TG: variants seen among roughly 807,000 people sequenced by gnomAD.
TG encodes thyroid hormones.
TG carries 270 observed loss-of-function variants against 324.7 expected under a neutral mutation model. The ratio of observed to expected loss-of-function variants is 0.83; its 90% CI spans 0.75 to 0.92. The LOEUF (loss-of-function observed/expected upper bound fraction) is 0.92, where lower values mean the gene tolerates loss of function less well. TG is among the 40% of genes least tolerant of loss of function. The pLI, the probability that TG is intolerant of heterozygous loss-of-function variation, is 0.00. For synonymous variants in TG, 1,401 were observed against 1,327.0 expected (o/e 1.06, Z -1.21); for missense variants, 3,591 against 3,456.4 (o/e 1.04, Z -0.98).
rs1018632204 is a variant in TG at position 133,116,673 on chromosome 8, A to C, written c.7819A>C (p.Asn2607His). ...TGCCTGGGCAAAGAGGGCCCGAGGA[A>C]ACGTCTTCATGTACCATGCTCCTGA... ...ASAWAKRARG[N>H]VFMYHAPENY... Residue 2607 changes from asparagine (N) to histidine (H), a missense_variant, in exon 45 of 48, where the codon AAC (asparagine) becomes CAC (histidine). Physicochemically the swap from Asn to His is moderately conservative, Grantham distance 68 (BLOSUM62 1). Transcript: ENST00000220616. 1.2e-6 allele frequency: 2 copies of C among 1,614,244 alleles called. No individual in the cohort carries two copies. The highest frequency in any genetic ancestry group is 1.7e-5 in the Admixed American group (1 of 60,024).
At chr8:133,020,357 C>T (rs1005355631) in intron 39 of TG, among the ~76,000 whole-genome samples, 5 of 152,206 alleles carry the variant, frequency 3.3e-5, no homozygotes, top group African/African-American at 4.8e-5. Flanking sequence ...ACAGGAGGGG[C>T]CAGCCTCCTG....
At position 132,878,765 on chromosome 8, in the gene TG, C is replaced by T. The variant is rs561198507; in HGVS notation, c.639-3098C>T. 5.8e-4 allele frequency among the ~76,000 whole-genome samples: 88 copies of T among 152,288 alleles called. No homozygotes were observed. In the South Asian group the frequency reaches 0.012, roughly 21 times the overall value. On this transcript the variant is annotated intron_variant, in intron 5 of 47. Transcript: ENST00000220616. ...TGCTGCCCACACCTTGGTTCTGTCT[C>T]CCACCTTGAAGTTGGAGGCATGCAA...
Position 132,935,808 on chromosome 8 carries a change from G to A in TG, c.4985G>A (p.Cys1662Tyr). 1 of 1,612,920 alleles carries A rather than the reference G, an allele frequency of 6.2e-7. No individual in the cohort carries two copies. The highest frequency in any genetic ancestry group is 2.2e-5 in the East Asian group (1 of 44,862). Reference protein sequence around the residue: ...SKATSFGSLRCQVKVRSHGQD... With the variant: ...SKATSFGSLRYQVKVRSHGQD... ...GCCACCAGCTTTGGAAGTCTTCGCT[G>A]CCAGGTGAAAGTGAGGAGCCATGGT... The change falls in exon 25 of 48, where the codon TGC (cysteine) becomes TAC (tyrosine). Residue 1662 changes from cysteine (C) to tyrosine (Y), a missense_variant. Coordinates refer to ENST00000220616, the MANE Select transcript of TG (RefSeq NM_003235.5).
intron 34 of TG, 33 bp downstream of exon 34, chr8:132,972,774 G>T (rs1403488): frequency 3.7e-6 from 6 of 1,613,194 alleles, no homozygotes; most frequent in Non-Finnish European, 5.1e-6. Flanking sequence ...CTATATGGAC[G>T]TCTTTAGTTA....
At chr8:133,122,974 G>T (rs1275193257) in intron 45 of TG, among the ~76,000 whole-genome samples, 3 of 152,064 alleles carry the variant, frequency 2.0e-5, no homozygotes, top group African/African-American at 7.2e-5. Context: ...TGACATTTGA[G>T]ACCGGATAAC....
chr8:133,053,733 C>T (rs1840854236), intron 41 of TG, among the ~76,000 whole-genome samples: 1 of 152,114 alleles, frequency 6.6e-6, no homozygotes, highest in Admixed American at 6.5e-5. Flanking sequence ...AAAGCAAAAT[C>T]CCATTATAAA....
chr8:132,998,239 C>T (rs1183415773), intron 35 of TG, among the ~76,000 whole-genome samples: 2 of 152,158 alleles, frequency 1.3e-5, no homozygotes, highest in Non-Finnish European at 2.9e-5. Flanking sequence ...TGACAGATGG[C>T]CCCTTTTTGC....
intron 10 of TG, among the ~76,000 whole-genome samples, chr8:132,893,370 G>T (rs536445701): frequency 7.1e-6 from 1 of 140,784 alleles, no homozygotes; most frequent in East Asian, 2.3e-4. Flanking sequence ...TGTCTGTGGT[G>T]TATATGTGTG....
At chr8:132,961,128 C>T in intron 28 of TG, 55 bp downstream of exon 28, 1 of 1,544,858 alleles carries the variant, frequency 6.5e-7, no homozygotes, top group Non-Finnish European at 9.0e-7. Context: ...ATGAGATTGT[C>T]TGGCACCACC....
At position 133,133,767 on chromosome 8, in the gene TG, C is replaced by A. The variant is rs114254895; in HGVS notation, c.8188+107C>A. 1.7e-3 allele frequency: 2,230 copies of A among 1,286,596 alleles called. 41 individuals carry two copies. The African/African-American group carries it at 0.029, about 17-fold the overall frequency. 79.7% of individuals were successfully genotyped at this position (1,286,596 alleles called of 1,614,324 possible). A position where few individuals can be genotyped will look rare whatever the true frequency, so the allele number is the denominator to read the frequency against. On this transcript the variant is annotated intron_variant, in intron 47 of 47. Transcript: ENST00000220616. ...CGCGCGCATTGGAGCCAAGGGGTCA[C>A]CAGTGCCAATGGCACAGCCCCTTCC...
At chr8:132,873,311 T>G in intron 5 of TG, 90 bp downstream of exon 5, 1 of 1,485,424 alleles carries the variant, frequency 6.7e-7, no homozygotes, top group Non-Finnish European at 9.2e-7. Context: ...GTGTCATATG[T>G]GCAGCATGAT....
chr8:133,043,673 T>C (rs1289661315), intron 41 of TG, among the ~76,000 whole-genome samples: 2 of 152,134 alleles, frequency 1.3e-5, no homozygotes, highest in Non-Finnish European at 2.9e-5. Context: ...GACCTGCCTC[T>C]CCTGAGCAGC....
intron 41 of TG, among the ~76,000 whole-genome samples, chr8:133,041,784 GTTTTTTTTTTT>G (rs529937626): frequency 2.4e-5 from 3 of 124,422 alleles, no homozygotes; most frequent in Non-Finnish European, 5.0e-5. Context: ...CTTGTGGTCA[GTTTTTTTTTTT>G]TTTTTTTTTT....
intron 35 of TG, among the ~76,000 whole-genome samples, chr8:132,987,270 T>A (rs1016229002): frequency 1.3e-5 from 2 of 152,218 alleles, no homozygotes; most frequent in Non-Finnish European, 1.5e-5. Context: ...TTTTGGCATG[T>A]TCCTTTGATG....
At chr8:133,000,052 A>G (rs146792176) in intron 35 of TG, among the ~76,000 whole-genome samples, 2 of 152,344 alleles carry the variant, frequency 1.3e-5, no homozygotes, top group African/African-American at 4.8e-5. Flanking sequence ...GCCCTGTTTT[A>G]CAAGTGACAG....
chr8:132,911,569 T>C (rs201905244), intron 19 of TG, 36 bp downstream of exon 19: 4 of 1,568,298 alleles, frequency 2.6e-6, no homozygotes, highest in Non-Finnish European at 3.5e-6. Flanking sequence ...GAATAAGCTA[T>C]GCAGCCTCTC....
chr8:132,902,940 T>C (rs78596724), intron 16 of TG, among the ~76,000 whole-genome samples: 4,682 of 152,194 alleles, frequency 0.031, 174 homozygotes, highest in East Asian at 0.086. Context: ...ACAATGCAGG[T>C]AAATAGATAG....
intron 41 of TG, among the ~76,000 whole-genome samples, chr8:133,046,103 CT>C (rs1839337708): frequency 6.6e-6 from 1 of 152,136 alleles, no homozygotes; most frequent in Admixed American, 6.5e-5. Flanking sequence ...AGCCATGTGC[CT>C]CGATTTCCTC....
rs765208846 is a variant in TG, at chr8:132,906,884, G to T, written c.3831G>T (p.Gln1277His). Residue 1277 changes from glutamine (Q) to histidine (H), a missense_variant, in exon 17 of 48, where the codon CAG (glutamine) becomes CAT (histidine). Coordinates refer to ENST00000220616, the MANE Select transcript of TG (RefSeq NM_003235.5). ...GACGCTGGGAGTCACAGCTGCCTCA[G>T]CCCCGGGCCTGCCAACGTGAGTGGC... ...ESGRWESQLP[Q>H]PRACQRPQLW... 6.2e-7 allele frequency: 1 copy of T among 1,612,658 alleles called. No individual in the cohort carries two copies. The highest frequency in any genetic ancestry group is 8.5e-7 in the Non-Finnish European group (1 of 1,179,494).
Sources: allele counts gnomAD v4.1 joint callset (sites outside exome capture counted in the v4.1 genomes callset), GRCh38; gene constraint gnomAD v4.1.1; transcripts MANE v1.5; gene names NCBI Gene and HGNC (gene_info 2026-07-23, HGNC 2026-07-21).